The following TRAPPC9 variants were observed in gnomAD, a reference collection of about 807,000 sequenced individuals.
The protein encoded by TRAPPC9 is trafficking protein particle complex subunit 9.
TRAPPC9 carries 83 observed loss-of-function variants against 124.0 expected under a neutral mutation model. The ratio of observed to expected loss-of-function variants is 0.67; its 90% CI spans 0.56 to 0.80. The LOEUF is 0.80. Among genes scored for constraint, TRAPPC9 ranks in the 30% least tolerant of loss-of-function variants. The pLI is 0.00. For synonymous variants in TRAPPC9, 638 were observed against 617.5 expected (o/e 1.03, Z -0.49); for missense variants, 1,302 against 1,508.3 (o/e 0.86, Z 2.27).
intron 5 of TRAPPC9, among the ~76,000 whole-genome samples, chr8:140,414,897 G>A (rs2069853572): frequency 6.6e-6 from 1 of 151,998 alleles, no homozygotes; most frequent in African/African-American, 2.4e-5. Context: ...GTGCCAACAT[G>A]CCCAACTAAT....
intron 8 of TRAPPC9, among the ~76,000 whole-genome samples, chr8:140,364,279 T>C (rs916257302): frequency 8.1e-6 from 1 of 123,498 alleles, no homozygotes; most frequent in Non-Finnish European, 1.6e-5. Context: ...CCTGGAGTTA[T>C]ATTCAAAGGA....
rs1255135063 is a variant in TRAPPC9 at position 140,045,647 on chromosome 8, A to AC, written c.2557-21569_2557-21568insG. Among the ~76,000 whole-genome samples, 371 of 143,452 alleles carry AC rather than the reference A, an allele frequency of 2.6e-3. 20 individuals are homozygous for AC. The highest frequency in any genetic ancestry group is 4.4e-3 in the Admixed American group (63 of 14,160). 94.1% of individuals were successfully genotyped at this position (143,452 alleles called of 152,430 possible). A position where few individuals can be genotyped will look rare whatever the true frequency, so the allele number is the denominator to read the frequency against. On this transcript the variant is annotated intron_variant, in intron 17 of 22. Transcript: ENST00000438773. Reference sequence around the variant, plus strand: ...ATCTCGGCAGAAAAAAAAAAAAAAAAAAAAAAAAAAAACCAAGTCAGGTCC... The same window carrying AC: ...ATCTCGGCAGAAAAAAAAAAAAAAAACAAAAAAAAAAAACCAAGTCAGGTCC...
Position 139,772,166 on chromosome 8 carries a change from C to T in TRAPPC9, c.3056-39964G>A, listed in dbSNP as rs115945084. Among the ~76,000 whole-genome samples the T allele has an allele frequency of 3.7e-3, 571 of 152,318 alleles. 2 individuals carry two copies. The highest frequency in any genetic ancestry group is 0.013 in the African/African-American group (532 of 41,574). On this transcript the variant is annotated intron_variant, in intron 21 of 22. Coordinates refer to ENST00000438773, the MANE Select transcript of TRAPPC9 (RefSeq NM_001160372.4). ...CATGGAAGGTGATCATTAAGCCAAA[C>T]GGCCCACACGTGTGCACATGTGCTT...
chr8:140,103,716 T>C (rs1267367513), intron 17 of TRAPPC9, among the ~76,000 whole-genome samples: 1 of 152,216 alleles, frequency 6.6e-6, no homozygotes, highest in African/African-American at 2.4e-5. Flanking sequence ...TCCTTAGCCA[T>C]GACGCTATCT....
intron 19 of TRAPPC9, among the ~76,000 whole-genome samples, chr8:139,973,332 G>C (rs1836224370): frequency 6.6e-6 from 1 of 152,186 alleles, no homozygotes; most frequent in Admixed American, 6.5e-5. Flanking sequence ...TCCAGGTTTA[G>C]GCCTGCCGTC....
At chr8:139,860,660 C>T (rs1018249703) in intron 21 of TRAPPC9, among the ~76,000 whole-genome samples, 2 of 152,376 alleles carry the variant, frequency 1.3e-5, no homozygotes, top group East Asian at 3.9e-4. Context: ...CCCTCCTGCA[C>T]CCCAGTTCCT....
At chr8:140,409,041 A>G (rs1474597370) in intron 5 of TRAPPC9, among the ~76,000 whole-genome samples, 2 of 152,182 alleles carry the variant, frequency 1.3e-5, no homozygotes, top group Non-Finnish European at 2.9e-5. Context: ...CAAAACATAA[A>G]TGATAATCTG....
intron 17 of TRAPPC9, among the ~76,000 whole-genome samples, chr8:140,066,798 G>A (rs931862978): frequency 1.3e-5 from 2 of 152,202 alleles, no homozygotes; most frequent in African/African-American, 4.8e-5. Context: ...ACCAAAGGAT[G>A]GGCACCCTCA....
chr8:140,072,513 G>A lies in TRAPPC9; in HGVS notation c.2557-48434C>T, dbSNP rs535997640. 2.5e-3 allele frequency among the ~76,000 whole-genome samples: 363 copies of A among 142,858 alleles called. 2 individuals are homozygous for A. Among genetic ancestry groups the A allele is most frequent in the African/African-American group, 9.2e-3 (335 of 36,368 alleles). The allele number at this position is 142,858 out of a possible 152,430, so 93.7% of individuals were successfully genotyped here. On this transcript the variant is annotated intron_variant, in intron 17 of 22. Coordinates refer to ENST00000438773, the MANE Select transcript of TRAPPC9 (RefSeq NM_001160372.4). ...AGTCTGGGCGACAGAGCGAGACTCCGTCTCAAAAAAAAAAGGAGGAGGAGG... is the reference window on the plus strand; with the variant it reads ...AGTCTGGGCGACAGAGCGAGACTCCATCTCAAAAAAAAAAGGAGGAGGAGG...
chr8:139,952,229 C>T (rs1312783281), intron 19 of TRAPPC9, among the ~76,000 whole-genome samples: 1 of 152,228 alleles, frequency 6.6e-6, no homozygotes, highest in African/African-American at 2.4e-5. Flanking sequence ...ATGCCAGACA[C>T]TGCGTAAGGG....
intron 17 of TRAPPC9, among the ~76,000 whole-genome samples, chr8:140,149,417 C>T (rs564893722): frequency 2.0e-5 from 3 of 152,086 alleles, no homozygotes; most frequent in African/African-American, 4.8e-5. Context: ...CTCGGGAGTT[C>T]GAGACTAGCC....
chr8:140,024,111 C>T (rs1312839964), intron 17 of TRAPPC9, 32 bp from the exon 18 acceptor site: 1 of 1,609,534 alleles, frequency 6.2e-7, no homozygotes, highest in Admixed American at 1.7e-5. Context: ...AATACACACA[C>T]ACACATTAGT....
In TRAPPC9 at chr8:140,435,229, C is replaced by A. The variant is rs764682394; in HGVS notation, c.742G>T (p.Gly248Ter). 1.9e-6 allele frequency: 3 copies of A among 1,613,864 alleles called. No homozygotes were observed. Among genetic ancestry groups the A allele is most frequent in the Non-Finnish European group, 2.5e-6 (3 of 1,179,966 alleles). Residue 248 changes from glycine to a stop codon, truncating the protein, a stop_gained, in exon 4 of 23, where the codon GGA becomes TGA. Transcript: ENST00000438773. LOFTEE classifies it high-confidence loss of function. ...DFLWLGAALE[G>*]LCSASVIYHY... ...TAGATGACAGAAGCTGAACACAATC[C>A]TTCCAGGGCAGCTGGGCATTAAGAA...
chr8:139,794,759 C>T (rs1216509274), intron 21 of TRAPPC9, among the ~76,000 whole-genome samples: 2 of 152,184 alleles, frequency 1.3e-5, no homozygotes. Flanking sequence ...GAGGGGCTGG[C>T]GAGGACGAGT....
chr8:140,016,254 T>C (rs1214745270), intron 18 of TRAPPC9, among the ~76,000 whole-genome samples: 2 of 152,226 alleles, frequency 1.3e-5, no homozygotes, highest in African/African-American at 2.4e-5. Flanking sequence ...TACAACCCTA[T>C]AACCCATACC....
chr8:140,086,149 G>A (rs1390801271), intron 17 of TRAPPC9, among the ~76,000 whole-genome samples: 12 of 152,166 alleles, frequency 7.9e-5, no homozygotes, highest in South Asian at 4.1e-4. Flanking sequence ...GGCTTGGATC[G>A]TGTGCTGGAG....
At chr8:140,154,106 C>T (rs2061591955) in intron 17 of TRAPPC9, among the ~76,000 whole-genome samples, 1 of 152,204 alleles carries the variant, frequency 6.6e-6, no homozygotes, top group Admixed American at 6.5e-5. Flanking sequence ...AGATCTAGGA[C>T]TAAACTCATG....
intron 15 of TRAPPC9, among the ~76,000 whole-genome samples, chr8:140,265,062 G>A (rs761622157): frequency 2.0e-5 from 3 of 152,170 alleles, no homozygotes; most frequent in Non-Finnish European, 2.9e-5. Flanking sequence ...AACCCGAAGC[G>A]ACAGAGGCAA....
At position 140,178,701 on chromosome 8, in the gene TRAPPC9, T is replaced by A. The variant is rs559805089; in HGVS notation, c.2556+42758A>T. Reference sequence around the variant, plus strand: ...GAATTTTTATAAAAATTGTATTTCCTCTTTATTATAATGTGATAAAATTTA... The same window carrying A: ...GAATTTTTATAAAAATTGTATTTCCACTTTATTATAATGTGATAAAATTTA... On this transcript the variant is annotated intron_variant, in intron 17 of 22. Transcript: ENST00000438773. Among the ~76,000 whole-genome samples the A allele has an allele frequency of 1.6e-4, 24 of 152,268 alleles. No individual in the cohort carries two copies. In the South Asian group the frequency reaches 4.6e-3, roughly 29 times the overall value.
Sources: gnomAD v4.1 joint callset for allele counts (sites outside exome capture counted in the v4.1 genomes callset) on GRCh38, gnomAD v4.1.1 for gene constraint, MANE v1.5 for transcripts, NCBI Gene and HGNC (gene_info 2026-07-23, HGNC 2026-07-21) for gene names.